PRRX2: variants seen among roughly 807,000 people sequenced by gnomAD.
PRRX2 encodes paired related homeobox 2, also known as paired mesoderm homeobox protein 2.
A neutral mutation model predicts 18.0 loss-of-function variants in PRRX2; 11 were observed. The observed-to-expected ratio is 0.61, with a 90% CI of 0.39 to 1.01. The LOEUF (loss-of-function observed/expected upper bound fraction) is 1.01. Among genes scored for constraint, PRRX2 ranks in the 50% least tolerant of loss-of-function variants. The probability of loss-of-function intolerance (pLI) is 0.01; values close to 1 mark genes in which losing one functional copy is unlikely to be tolerated. For synonymous variants in PRRX2, 177 were observed against 154.8 expected, an observed-to-expected ratio of 1.14 and a Z score of -1.06; for missense variants, 387 against 351.0, an observed-to-expected ratio of 1.10 and a Z score of -0.82.
intron 1 of PRRX2, among the ~76,000 whole-genome samples, chr9:129,669,177 T>A (rs1832068385): frequency 6.6e-6 from 1 of 150,660 alleles, no homozygotes; most frequent in Admixed American, 6.6e-5. Context: ...ATTTAAAAAT[T>A]TTTGTTTGCA....
chr9:129,667,256 G>A (rs1456871677), intron 1 of PRRX2, among the ~76,000 whole-genome samples: 3 of 152,198 alleles, frequency 2.0e-5, no homozygotes, highest in African/African-American at 7.2e-5. Context: ...TGCACCCTCC[G>A]GGGTGAGTGT....
intron 1 of PRRX2, among the ~76,000 whole-genome samples, chr9:129,706,628 T>C (rs996177662): frequency 1.2e-3 from 180 of 151,964 alleles, no homozygotes; most frequent in African/African-American, 4.1e-3. Flanking sequence ...CTGGGGAGGC[T>C]GAGGTGGGAG....
At chr9:129,718,278 TG>T (rs1287365384) in intron 1 of PRRX2, among the ~76,000 whole-genome samples, 1 of 152,150 alleles carries the variant, frequency 6.6e-6, no homozygotes, top group African/African-American at 2.4e-5. Context: ...GGAGAACTCT[TG>T]GGGATCCTTC....
chr9:129,719,472 C>G, intron 2 of PRRX2, 54 bp downstream of exon 2: 1 of 1,433,896 alleles, frequency 7.0e-7, no homozygotes, highest in African/African-American at 1.4e-5. Context: ...GAGCGCACAG[C>G]CACTGTTCAC....
chr9:129,718,636 G>A lies in PRRX2; in HGVS notation c.260-595G>A, dbSNP rs551184053. Reference sequence around the variant, plus strand: ...CCACTGGGACCTTGAACTTGGGCCCGAGACCATAGCCTCTCTGACTCTTCC... The same window carrying A: ...CCACTGGGACCTTGAACTTGGGCCCAAGACCATAGCCTCTCTGACTCTTCC... On this transcript the variant is annotated intron_variant, in intron 1 of 3. Coordinates refer to ENST00000372469, the MANE Select transcript of PRRX2 (RefSeq NM_016307.4). The A allele has an allele frequency of 3.1e-3, 466 of 152,358 alleles. 3 individuals are homozygous for A. The highest frequency in any genetic ancestry group is 3.8e-3 in the Non-Finnish European group (261 of 68,072). The allele number at this position is 152,358 out of a possible 1,614,324, so 9.4% of individuals were successfully genotyped here.
intron 1 of PRRX2, among the ~76,000 whole-genome samples, chr9:129,690,004 G>A: frequency 6.6e-6 from 1 of 151,930 alleles, no homozygotes; most frequent in South Asian, 2.1e-4. Context: ...GCCCGCCTCA[G>A]CCTCCCAAAG....
intron 1 of PRRX2, among the ~76,000 whole-genome samples, chr9:129,677,323 A>G (rs1329319034): frequency 6.6e-6 from 1 of 152,252 alleles, no homozygotes; most frequent in Non-Finnish European, 1.5e-5. Context: ...CGAGGCTTAG[A>G]AGGATAAAGT....
intron 1 of PRRX2, among the ~76,000 whole-genome samples, chr9:129,703,281 G>A (rs936664287): frequency 1.3e-5 from 2 of 152,200 alleles, no homozygotes; most frequent in African/African-American, 4.8e-5. Context: ...TTAAGCCGCA[G>A]GAGTCTGAAC....
intron 1 of PRRX2, among the ~76,000 whole-genome samples, chr9:129,678,906 A>G (rs1832193651): frequency 6.6e-6 from 1 of 152,160 alleles, no homozygotes; most frequent in African/African-American, 2.4e-5. Context: ...CAGTCTCCAA[A>G]GGAGCTGACC....
At chr9:129,700,509 T>C (rs1832480893) in intron 1 of PRRX2, among the ~76,000 whole-genome samples, 1 of 152,062 alleles carries the variant, frequency 6.6e-6, no homozygotes. Context: ...TTTGTATTTT[T>C]AGTAGTGACG....
intron 1 of PRRX2, among the ~76,000 whole-genome samples, chr9:129,698,174 C>A (rs539971548): frequency 4.6e-5 from 7 of 151,208 alleles, no homozygotes; most frequent in Admixed American, 4.6e-4. Context: ...CTCTCTGGGC[C>A]CCCTCGCAGG....
At chr9:129,679,743 CAGGCAGGCGGGCTAG>C (rs986084832) in intron 1 of PRRX2, among the ~76,000 whole-genome samples, 2 of 152,190 alleles carry the variant, frequency 1.3e-5, no homozygotes, top group Middle Eastern at 3.2e-3. Context: ...ATCCCTGGCC[CAGGCAGGCGGGCTAG>C]GGGCAGGGGC....
At position 129,671,333 on chromosome 9, in the gene PRRX2, G is replaced by A. The variant is rs758930868; in HGVS notation, c.259+5207G>A. 2.0e-5 allele frequency among the ~76,000 whole-genome samples: 3 copies of A among 152,290 alleles called. No individual in the cohort carries two copies. The highest frequency in any genetic ancestry group is 2.9e-5 in the Non-Finnish European group (2 of 68,028). On this transcript the variant is annotated intron_variant, in intron 1 of 3. Coordinates refer to ENST00000372469, the MANE Select transcript of PRRX2 (RefSeq NM_016307.4). This position sits in a 1 kb window ranked among gnomAD's most constrained non-coding sequence, Gnocchi z 4.0. ...TGGCCTGCATCTCGGCCTTCTTTTCGCCAGGGAGGGTTGGTTCATTATTTG... is the reference window on the plus strand; with the variant it reads ...TGGCCTGCATCTCGGCCTTCTTTTCACCAGGGAGGGTTGGTTCATTATTTG...
At chr9:129,669,396 C>T (rs756380670) in intron 1 of PRRX2, among the ~76,000 whole-genome samples, 2 of 152,228 alleles carry the variant, frequency 1.3e-5, no homozygotes, top group African/African-American at 4.8e-5. Flanking sequence ...TGACTTACAA[C>T]AAAAGAAACC....
chr9:129,712,335 C>G (rs1426277025), intron 1 of PRRX2, among the ~76,000 whole-genome samples: 2 of 152,192 alleles, frequency 1.3e-5, no homozygotes, highest in African/African-American at 4.8e-5. Context: ...TAGAGTGTGT[C>G]TCTCAACAGC....
chr9:129,708,105 G>A (rs1256152906), intron 1 of PRRX2, among the ~76,000 whole-genome samples: 1 of 151,924 alleles, frequency 6.6e-6, no homozygotes, highest in Non-Finnish European at 1.5e-5. Context: ...GCGTGATCTC[G>A]GCTCACTGCA....
At chr9:129,712,092 G>A (rs1450151555) in intron 1 of PRRX2, among the ~76,000 whole-genome samples, 1 of 152,120 alleles carries the variant, frequency 6.6e-6, no homozygotes, top group Non-Finnish European at 1.5e-5. Flanking sequence ...TATTTCTCCA[G>A]CTCCGAGGCT....
At chr9:129,701,971 G>A (rs931651197) in intron 1 of PRRX2, among the ~76,000 whole-genome samples, 7 of 152,150 alleles carry the variant, frequency 4.6e-5, no homozygotes, top group Non-Finnish European at 1.0e-4. Context: ...CCTGATGCCG[G>A]GTGCCTGTAA....
rs148368723 is a variant in PRRX2 at position 129,720,744 on chromosome 9, A to G, written c.596A>G (p.Tyr199Cys). 2 of 1,609,456 alleles carry G rather than the reference A, an allele frequency of 1.2e-6. No homozygotes were observed. Among genetic ancestry groups the G allele is most frequent in the Admixed American group, 3.4e-5 (2 of 59,584 alleles). Residue 199 changes from tyrosine (Y) to cysteine (C), a missense_variant, in exon 3 of 4, where the codon TAT becomes TGT. Coordinates refer to ENST00000372469, the MANE Select transcript of PRRX2 (RefSeq NM_016307.4). ...CGGCCCACCGCCCTGAGTCCAGATT[A>G]TCTCTCCTGGACAGCCTCGTCCCCC... ...APRPTALSPD[Y>C]LSWTASSPYS...
Sources: allele counts gnomAD v4.1 joint callset (sites outside exome capture counted in the v4.1 genomes callset), GRCh38; gene constraint gnomAD v4.1.1; non-coding constraint Gnocchi (gnomAD v3.1); transcripts MANE v1.5; gene names NCBI Gene and HGNC (gene_info 2026-07-23, HGNC 2026-07-21).